The following MYEF2 variants were observed in gnomAD, a reference collection of about 807,000 sequenced individuals.
MYEF2 encodes the protein myelin gene expression factor 2.
Under a neutral mutation model 75.2 loss-of-function variants are expected in MYEF2, and 37 were observed. The observed-to-expected ratio is 0.49, with a 90% CI of 0.38 to 0.65. The LOEUF (loss-of-function observed/expected upper bound fraction) is 0.65. MYEF2 is among the 30% of genes least tolerant of loss of function. The pLI, the probability that MYEF2 is intolerant of heterozygous loss-of-function variation, is 0.00. For missense variants in MYEF2, 634 were observed against 771.4 expected (o/e 0.82, Z 2.11); for synonymous variants, 195 against 241.6 (o/e 0.81, Z 1.79).
intron 6 of MYEF2, 48 bp from the exon 7 acceptor site, chr15:48,158,970 CCATCTGTAAAT>C (rs1222988216): frequency 6.6e-7 from 1 of 1,523,678 alleles, no homozygotes. Context: ...ATCCATCTCC[CCATCTGTAAAT>C]ACAAAAAATC....
At chr15:48,151,039 T>C (rs1205415194) in intron 14 of MYEF2, 61 bp downstream of exon 14, 1 of 1,184,874 alleles carries the variant, frequency 8.4e-7, no homozygotes, top group African/African-American at 1.5e-5. Flanking sequence ...TAACTACTCT[T>C]GCAAAGTCTT....
rs767030810 is a variant in MYEF2, at chr15:48,159,582, T to A, written c.717+31A>T. 64 of 1,587,572 alleles carry A rather than the reference T, an allele frequency of 4.0e-5. No individual in the cohort carries two copies. The East Asian group carries it at 1.3e-3, about 33-fold the overall frequency. ...TAATCAAATTAGCTATCTATCTGAA[T>A]GACAAATTTTAGACTAAAGCTTGAA... On this transcript the variant is annotated intron_variant, in intron 6 of 16. Coordinates refer to ENST00000324324, the MANE Select transcript of MYEF2 (RefSeq NM_016132.5).
chr15:48,143,309 G>A lies in MYEF2; in HGVS notation c.1640-238C>T, dbSNP rs147204559. On this transcript the variant is annotated intron_variant, in intron 16 of 16. Transcript: ENST00000324324. ...AGGAAAGATTTTCTTAGGATTTAATGTATTTTATTTATGTTAAATCCCTAA... is the reference window on the plus strand; with the variant it reads ...AGGAAAGATTTTCTTAGGATTTAATATATTTTATTTATGTTAAATCCCTAA... 8.5e-5 allele frequency among the ~76,000 whole-genome samples: 13 copies of A among 152,104 alleles called. No individual in the cohort carries two copies. The East Asian group carries it at 2.5e-3, about 29-fold the overall frequency.
chr15:48,151,720 TATC>T lies in MYEF2; in HGVS notation c.1207+151_1208-150del. 2.6e-6 allele frequency: 3 copies of T among 1,134,574 alleles called. No individual in the cohort carries two copies. In the Admixed American group the frequency reaches 5.7e-5, roughly 22 times the overall value. 70.3% of individuals were successfully genotyped at this position (1,134,574 alleles called of 1,614,324 possible). A position where few individuals can be genotyped will look rare whatever the true frequency, so the allele number is the denominator to read the frequency against. On this transcript the variant is annotated intron_variant, in intron 12 of 16. Coordinates refer to ENST00000324324, the MANE Select transcript of MYEF2 (RefSeq NM_016132.5). ...CCCAATTTACCTCACATGCCACACA[TATC>T]ATCCCCATTCCCCAGGCCTGTCCTT... is the stretch of plus-strand genomic sequence containing the variant.
In MYEF2 at chr15:48,153,143, C is replaced by A. The variant is rs558674150; in HGVS notation, c.1087+649G>T. On this transcript the variant is annotated intron_variant, in intron 10 of 16. Transcript: ENST00000324324. ...TGGAAAGGTAAAACAATGCCACTCTCCTCACCAATTTCTTTTTTGCATTGA... is the reference window on the plus strand; with the variant it reads ...TGGAAAGGTAAAACAATGCCACTCTACTCACCAATTTCTTTTTTGCATTGA... 7.9e-5 allele frequency: 12 copies of A among 152,120 alleles called. 1 individual carries two copies. The highest frequency in any genetic ancestry group is 2.6e-4 in the African/African-American group (11 of 41,532). The allele number at this position is 152,120 out of a possible 1,614,324, so 9.4% of individuals were successfully genotyped here. A position where few individuals can be genotyped will look rare whatever the true frequency, so the allele number is the denominator to read the frequency against.
chr15:48,152,270 C>T lies in MYEF2; in HGVS notation c.1102G>A (p.Gly368Ser), dbSNP rs2039518786. ...NLGPGGMGMD[G>S]PGFGGMNRIG... is the part of the protein sequence containing the mutation. The stretch of plus-strand genomic sequence containing the variant: ...CTATTCATTCCTCCAAAACCTGGAC[C>T]ATCCATTCCCATACCTCAAATAAAA... Residue 368 changes from glycine to serine, a missense_variant, in exon 11 of 17, where the codon GGT becomes AGT. Gly to Ser is a moderately conservative substitution (Grantham distance 56, BLOSUM62 0). Transcript: ENST00000324324. 1 of 1,610,912 alleles carries T rather than the reference C, an allele frequency of 6.2e-7. No individual in the cohort carries two copies. Among genetic ancestry groups the T allele is most frequent in the Non-Finnish European group, 8.5e-7 (1 of 1,177,694 alleles).
chr15:48,160,273 G>A (rs189958794), intron 5 of MYEF2, among the ~76,000 whole-genome samples: 1 of 152,076 alleles, frequency 6.6e-6, no homozygotes, highest in Admixed American at 6.6e-5. Context: ...TAGGATGGCC[G>A]ACTGTAATCT....
At chr15:48,148,894 T>C (rs1435824498) in intron 16 of MYEF2, 138 bp downstream of exon 16, 1 of 809,278 alleles carries the variant, frequency 1.2e-6, no homozygotes, top group African/African-American at 1.7e-5. Context: ...TGAAGTGGAA[T>C]TAGACCTGGC....
intron 1 of MYEF2, among the ~76,000 whole-genome samples, chr15:48,173,612 AGAC>A (rs1416449351): frequency 6.6e-6 from 1 of 152,160 alleles, no homozygotes; most frequent in Non-Finnish European, 1.5e-5. Flanking sequence ...AAAATTTTAA[AGAC>A]AACACCAAAA....
chr15:48,155,337 A>ATT (rs1245841010), intron 9 of MYEF2, among the ~76,000 whole-genome samples: 66 of 152,286 alleles, frequency 4.3e-4, no homozygotes, highest in African/African-American at 1.5e-3. Context: ...TTCACTAGGA[A>ATT]AATATATCAA....
At chr15:48,168,913 A>T in intron 1 of MYEF2, 74 bp from the exon 2 acceptor site, 1 of 1,149,322 alleles carries the variant, frequency 8.7e-7, no homozygotes, top group Non-Finnish European at 1.2e-6. Context: ...ATATTAAATA[A>T]GTATTCCATA....
intron 14 of MYEF2, among the ~76,000 whole-genome samples, chr15:48,150,507 T>A (rs1186203190): frequency 6.6e-6 from 1 of 151,860 alleles, no homozygotes; most frequent in Admixed American, 6.6e-5. Context: ...AAATAAATAA[T>A]CCATGTATTC....
chr15:48,151,924 A>T lies in MYEF2; in HGVS notation c.1157T>A (p.Leu386Gln). The T allele has an allele frequency of 6.2e-7, 1 of 1,613,528 alleles. No individual in the cohort carries two copies. The highest frequency in any genetic ancestry group is 1.1e-5 in the South Asian group (1 of 91,072). Residue 386 changes from leucine (L) to glutamine (Q), a missense_variant, in exon 12 of 17, where the codon CTG becomes CAG. By Grantham distance (113) the Leu-to-Gln change is moderately radical. Coordinates refer to ENST00000324324, the MANE Select transcript of MYEF2 (RefSeq NM_016132.5). ...RIGGGIGFGG[L>Q]EAMNSMGGFG... ...TCCTCCCATGCTATTCATTGCTTCCAGACCACCAAACCCTATTCCTATGGA... is the reference window on the plus strand; with the variant it reads ...TCCTCCCATGCTATTCATTGCTTCCTGACCACCAAACCCTATTCCTATGGA...
rs1418954772 is a variant in MYEF2 at position 48,149,800 on chromosome 15, A to T, written c.1379-429T>A. The T allele has an allele frequency of 6.5e-6, 1 of 154,212 alleles. No homozygotes were observed. Among genetic ancestry groups the T allele is most frequent in the Admixed American group, 6.5e-5 (1 of 15,394 alleles). The allele number at this position is 154,212 out of a possible 1,614,324, so 9.6% of individuals were successfully genotyped here. A position where few individuals can be genotyped will look rare whatever the true frequency, so the allele number is the denominator to read the frequency against. On this transcript the variant is annotated intron_variant, in intron 14 of 16. Transcript: ENST00000324324. The surrounding 1 kb of genome is among the most constrained non-coding windows in gnomAD (Gnocchi z 4.0). ...ATTGCTAAAATAAAGATACACAGAGATAAATGCAAATTATTACAACTCTAG... is the reference window on the plus strand; with the variant it reads ...ATTGCTAAAATAAAGATACACAGAGTTAAATGCAAATTATTACAACTCTAG...
At position 48,170,669 on chromosome 15, in the gene MYEF2, C is replaced by T. The variant is rs1484753239; in HGVS notation, c.162-1830G>A. ...GTGATCCACACATTGCAATGCTCCA[C>T]ACACCTCTAACTGCAGTCATTTGTT... On this transcript the variant is annotated intron_variant, in intron 1 of 16. Transcript: ENST00000324324. Among the ~76,000 whole-genome samples, 3 of 152,178 alleles carry T rather than the reference C, an allele frequency of 2.0e-5. No individual in the cohort carries two copies. The East Asian group carries it at 5.8e-4, about 29-fold the overall frequency.
Position 48,141,899 on chromosome 15 carries a change from T to G in MYEF2, c.*1009A>C. ...TTAAAAATACAAATTCAGTAAGACT[T>G]TTGCTCTAACAACAATTTTTCAAAA... is the stretch of plus-strand genomic sequence containing the variant. On this transcript the variant is annotated 3_prime_UTR_variant, in exon 17 of 17. Coordinates refer to ENST00000324324, the MANE Select transcript of MYEF2 (RefSeq NM_016132.5). 1 of 621,922 alleles carries G rather than the reference T, an allele frequency of 1.6e-6. No homozygotes were observed. Among genetic ancestry groups the G allele is most frequent in the African/African-American group, 1.8e-5 (1 of 54,616 alleles). The allele number at this position is 621,922 out of a possible 1,614,324, so 38.5% of individuals were successfully genotyped here.
Position 48,149,017 on chromosome 15 carries a change from C to A in MYEF2, c.1639+15G>T, listed in dbSNP as rs1342597596. 2 of 1,612,196 alleles carry A rather than the reference C, an allele frequency of 1.2e-6. No homozygotes were observed. Among genetic ancestry groups the A allele is most frequent in the African/African-American group, 2.7e-5 (2 of 74,920 alleles). ...TAATCAATATCAACATATCTGCAGTCATTTGCATACTTACCACACTGACTG... is the reference window on the plus strand; with the variant it reads ...TAATCAATATCAACATATCTGCAGTAATTTGCATACTTACCACACTGACTG... On this transcript the variant is annotated intron_variant, in intron 16 of 16. Coordinates refer to ENST00000324324, the MANE Select transcript of MYEF2 (RefSeq NM_016132.5). This position sits in a 1 kb window ranked among gnomAD's most constrained non-coding sequence, Gnocchi z 4.0.
Position 48,168,419 on chromosome 15 carries a change from A to G in MYEF2, c.370+212T>C, listed in dbSNP as rs1189616357. Among the ~76,000 whole-genome samples, 5 of 152,180 alleles carry G rather than the reference A, an allele frequency of 3.3e-5. No individual in the cohort carries two copies. In the East Asian group the frequency reaches 9.6e-4, roughly 29 times the overall value. On this transcript the variant is annotated intron_variant, in intron 2 of 16. Transcript: ENST00000324324. ...GGCATGCATATGCTGGCTCGCTACT[A>G]TCCCACTAAAATGGCAAAAAGAAAA...
At chr15:48,177,586 C>T (rs148514410) in intron 1 of MYEF2, among the ~76,000 whole-genome samples, 45 of 151,856 alleles carry the variant, frequency 3.0e-4, no homozygotes, top group Middle Eastern at 3.4e-3. Flanking sequence ...CTTTAGAAAA[C>T]AACAAAACAC....
Sources: gnomAD v4.1 joint callset for allele counts (sites outside exome capture counted in the v4.1 genomes callset) on GRCh38, gnomAD v4.1.1 for gene constraint, Gnocchi (gnomAD v3.1) non-coding constraint, MANE v1.5 for transcripts, NCBI Gene and HGNC (gene_info 2026-07-23, HGNC 2026-07-21) for gene names.